Variants in NELL2 observed in about 807,000 individuals in gnomAD.
The protein encoded by NELL2 is neural EGFL like 2, also known as protein kinase C-binding protein NELL2.
NELL2 carries 41 observed loss-of-function variants against 109.6 expected under a neutral mutation model. The observed-to-expected ratio is 0.37, with a 90% CI of 0.29 to 0.49. The LOEUF (loss-of-function observed/expected upper bound fraction) is 0.49, where lower values mean the gene tolerates loss of function less well. Ranked by LOEUF, NELL2 falls within the 20% of genes least tolerant of loss-of-function variation. The pLI is 0.98. For missense variants in NELL2, 900 were observed against 1,008.3 expected, an observed-to-expected ratio of 0.89 and a Z score of 1.45; for synonymous variants, 355 against 344.7, an observed-to-expected ratio of 1.03 and a Z score of -0.33.
chr12:44,533,478 G>A (rs993261240), intron 15 of NELL2, among the ~76,000 whole-genome samples: 10 of 152,030 alleles, frequency 6.6e-5, no homozygotes, highest in Non-Finnish European at 1.3e-4. Context: ...GGAGGCAGAA[G>A]GAAATTATGG....
At chr12:44,522,608 C>T (rs982127423) in intron 17 of NELL2, among the ~76,000 whole-genome samples, 1 of 151,870 alleles carries the variant, frequency 6.6e-6, no homozygotes, top group South Asian at 2.1e-4. Flanking sequence ...TATTTAAAAC[C>T]TATGTTTTTG....
At chr12:44,786,982 T>C (rs1942202549) in intron 3 of NELL2, among the ~76,000 whole-genome samples, 1 of 152,102 alleles carries the variant, frequency 6.6e-6, no homozygotes, top group South Asian at 2.1e-4. Context: ...CCATGGCACA[T>C]GTATACCTAT....
At chr12:44,644,161 C>A (rs1324336339) in intron 13 of NELL2, among the ~76,000 whole-genome samples, 2 of 151,896 alleles carry the variant, frequency 1.3e-5, no homozygotes, top group Non-Finnish European at 2.9e-5. Flanking sequence ...TCTGTGGAGA[C>A]AATCTTGGAA....
chr12:44,536,457 C>G (rs536289259), intron 15 of NELL2, among the ~76,000 whole-genome samples: 2 of 151,770 alleles, frequency 1.3e-5, no homozygotes, highest in Non-Finnish European at 2.9e-5. Flanking sequence ...TAGTTAAAAC[C>G]TAACTTCACA....
intron 2 of NELL2, among the ~76,000 whole-genome samples, chr12:44,872,893 A>G (rs747076084): frequency 1.4e-4 from 21 of 152,194 alleles, no homozygotes; most frequent in Non-Finnish European, 2.6e-4. Flanking sequence ...TTCAGTCTGT[A>G]TATTTTTTTC....
At chr12:44,790,082 C>T (rs991686160) in intron 3 of NELL2, among the ~76,000 whole-genome samples, 4 of 152,132 alleles carry the variant, frequency 2.6e-5, no homozygotes, top group Non-Finnish European at 5.9e-5. Flanking sequence ...ACTTCCCTGG[C>T]CTTGCTGGAG....
intron 15 of NELL2, among the ~76,000 whole-genome samples, chr12:44,591,159 T>C (rs1433468548): frequency 1.3e-5 from 2 of 152,152 alleles, no homozygotes; most frequent in African/African-American, 4.8e-5. Flanking sequence ...AAAAAGGAAC[T>C]CTAATACACT....
intron 1 of NELL2, among the ~76,000 whole-genome samples, chr12:44,909,436 A>T (rs778831409): frequency 3.3e-5 from 5 of 151,894 alleles, no homozygotes; most frequent in Non-Finnish European, 7.4e-5. Context: ...GAAACCACAG[A>T]TGACACAAAC....
At chr12:44,641,845 T>C (rs538503965) in intron 13 of NELL2, among the ~76,000 whole-genome samples, 1 of 151,996 alleles carries the variant, frequency 6.6e-6, no homozygotes, top group East Asian at 1.9e-4. Flanking sequence ...TACAGGCACA[T>C]GCTGCCATGC....
intron 2 of NELL2, among the ~76,000 whole-genome samples, chr12:44,869,187 G>T (rs1945094474): frequency 6.6e-6 from 1 of 151,958 alleles, no homozygotes; most frequent in Admixed American, 6.6e-5. Context: ...AAAGATGATA[G>T]TTCTAAATAT....
intron 9 of NELL2, among the ~76,000 whole-genome samples, chr12:44,728,169 A>C (rs542358889): frequency 6.6e-6 from 1 of 152,236 alleles, no homozygotes; most frequent in African/African-American, 2.4e-5. Context: ...AATAAGTCAA[A>C]GTGACCATCA....
intron 15 of NELL2, among the ~76,000 whole-genome samples, chr12:44,568,369 T>G (rs1772273864): frequency 6.6e-6 from 1 of 152,172 alleles, no homozygotes; most frequent in South Asian, 2.1e-4. Flanking sequence ...AATTAGGCTA[T>G]TCCCATATTG....
intron 9 of NELL2, among the ~76,000 whole-genome samples, chr12:44,736,086 C>G (rs541226185): frequency 2.7e-5 from 4 of 146,774 alleles, no homozygotes; most frequent in African/African-American, 1.0e-4. Context: ...TCTTGACTCA[C>G]TGCAAGCTCC....
chr12:44,790,568 G>A lies in NELL2; in HGVS notation c.336-10546C>T, dbSNP rs181940847. On this transcript the variant is annotated intron_variant, in intron 3 of 19. Transcript: ENST00000429094. ...AGGACCTATAAAACAAAAATACAAC[G>A]TAAAAAGCAAAAACAAAATAACAAC... Among the ~76,000 whole-genome samples, 13 of 150,888 alleles carry A rather than the reference G, an allele frequency of 8.6e-5. No individual in the cohort carries two copies. In the East Asian group the frequency reaches 2.0e-3, roughly 23 times the overall value.
intron 2 of NELL2, among the ~76,000 whole-genome samples, chr12:44,867,471 G>A (rs1469572392): frequency 6.6e-6 from 1 of 152,114 alleles, no homozygotes; most frequent in Admixed American, 6.5e-5. Context: ...TAGAAGAAAT[G>A]TATCTCAACA....
intron 1 of NELL2, among the ~76,000 whole-genome samples, chr12:44,887,598 C>G (rs1945488060): frequency 6.6e-6 from 1 of 151,398 alleles, no homozygotes; most frequent in Admixed American, 6.6e-5. Flanking sequence ...GATTTTTACC[C>G]ATTTTTTAAT....
intron 2 of NELL2, among the ~76,000 whole-genome samples, chr12:44,860,869 C>A (rs1293488390): frequency 2.0e-5 from 3 of 152,204 alleles, no homozygotes; most frequent in Non-Finnish European, 4.4e-5. Context: ...AGATTCACAT[C>A]CATTGTACAT....
At chr12:44,636,094 T>C (rs1946626360) in intron 13 of NELL2, among the ~76,000 whole-genome samples, 1 of 152,142 alleles carries the variant, frequency 6.6e-6, no homozygotes, top group Non-Finnish European at 1.5e-5. Context: ...TTGTCTATTA[T>C]TGGTGTGTAG....
At chr12:44,648,212 A>G (rs1335969134) in intron 13 of NELL2, among the ~76,000 whole-genome samples, 3 of 152,188 alleles carry the variant, frequency 2.0e-5, no homozygotes, top group African/African-American at 7.2e-5. Flanking sequence ...CTTCTGTCAA[A>G]TCTTTGCAAT....
Sources: gnomAD v4.1 joint callset for allele counts (sites outside exome capture counted in the v4.1 genomes callset) on GRCh38, gnomAD v4.1.1 for gene constraint, MANE v1.5 for transcripts, NCBI Gene and HGNC (gene_info 2026-07-23, HGNC 2026-07-21) for gene names.